The following NUDCD1 variants were observed in gnomAD, a reference collection of about 807,000 sequenced individuals.
NUDCD1 encodes the protein NudC domain containing 1.
NUDCD1 carries 60 observed loss-of-function variants against 67.8 expected under a neutral mutation model. The ratio of observed to expected loss-of-function variants is 0.88; its 90% CI spans 0.72 to 1.10. The LOEUF is 1.10. NUDCD1 is among the 50% of genes least tolerant of loss of function. The probability of loss-of-function intolerance (pLI) is 0.00; values close to 1 mark genes in which losing one functional copy is unlikely to be tolerated. For missense variants in NUDCD1, 643 were observed against 695.0 expected (o/e 0.93, Z 0.84); for synonymous variants, 244 against 230.8 (o/e 1.06, Z -0.52).
At chr8:109,296,673 G>A in intron 2 of NUDCD1, 104 bp from the exon 3 acceptor site, 1 of 774,624 alleles carries the variant, frequency 1.3e-6, no homozygotes, top group Non-Finnish European at 2.1e-6. Flanking sequence ...TTAAGAGTTG[G>A]AGTCTAATTC....
chr8:109,328,058 C>T (rs1815718566), intron 1 of NUDCD1, among the ~76,000 whole-genome samples: 1 of 152,092 alleles, frequency 6.6e-6, no homozygotes, highest in African/African-American at 2.4e-5. Context: ...ATCTTTCCAC[C>T]AGAAACATCC....
At chr8:109,299,044 C>T (rs1004082264) in intron 2 of NUDCD1, 2 of 152,296 alleles carry the variant, frequency 1.3e-5, no homozygotes, top group Non-Finnish European at 2.9e-5. Context: ...GGAACTGAGT[C>T]ACTTGAGAGA....
intron 8 of NUDCD1, among the ~76,000 whole-genome samples, chr8:109,263,054 C>CAAAAAAAAAAAAAA (rs59659347): frequency 2.4e-5 from 1 of 42,014 alleles, no homozygotes; most frequent in Non-Finnish European, 4.0e-5. Context: ...GACTCTGTCT[C>CAAAAAAAAAAAAAA]AAAAAAAAAA....
chr8:109,300,087 A>T (rs1814948765), intron 2 of NUDCD1, among the ~76,000 whole-genome samples: 1 of 152,224 alleles, frequency 6.6e-6, no homozygotes, highest in Admixed American at 6.5e-5. Context: ...CATGGGACAA[A>T]AGAATCTGAA....
intron 8 of NUDCD1, among the ~76,000 whole-genome samples, chr8:109,249,639 C>G (rs1813577369): frequency 6.6e-6 from 1 of 152,130 alleles, no homozygotes; most frequent in South Asian, 2.1e-4. Flanking sequence ...ATATATTCCT[C>G]AGTAAATGGA....
intron 2 of NUDCD1, among the ~76,000 whole-genome samples, chr8:109,321,908 T>A (rs1423267012): frequency 2.0e-5 from 3 of 152,084 alleles, no homozygotes; most frequent in African/African-American, 7.2e-5. Context: ...AAAGAATCAA[T>A]TCAGTATAAA....
At chr8:109,284,320 A>G (rs1006015624) in intron 5 of NUDCD1, among the ~76,000 whole-genome samples, 1 of 152,208 alleles carries the variant, frequency 6.6e-6, no homozygotes, top group Non-Finnish European at 1.5e-5. Flanking sequence ...GGAAAGACTT[A>G]GCCACAAGAC....
At chr8:109,297,133 G>A (rs1042182264) in intron 2 of NUDCD1, among the ~76,000 whole-genome samples, 4 of 152,096 alleles carry the variant, frequency 2.6e-5, no homozygotes, top group South Asian at 2.1e-4. Context: ...TGAAGTTGTC[G>A]TATGACAGAA....
At chr8:109,245,552 C>G (rs1347127120) in intron 8 of NUDCD1, 71 bp from the exon 9 acceptor site, 4 of 1,216,252 alleles carry the variant, frequency 3.3e-6, no homozygotes, top group Non-Finnish European at 2.3e-6. Flanking sequence ...ATGGCAGAAG[C>G]TGACAGCCAG....
intron 8 of NUDCD1, among the ~76,000 whole-genome samples, chr8:109,258,949 G>T (rs1270648707): frequency 6.6e-6 from 1 of 152,046 alleles, no homozygotes; most frequent in Non-Finnish European, 1.5e-5. Flanking sequence ...TCACAATCCC[G>T]AAAGAAACTA....
chr8:109,288,987 T>C (rs1814637927), intron 5 of NUDCD1, among the ~76,000 whole-genome samples: 1 of 151,102 alleles, frequency 6.6e-6, no homozygotes, highest in African/African-American at 2.4e-5. Flanking sequence ...GTCTTTTCTT[T>C]TTTTTTTTTT....
chr8:109,313,725 T>C (rs1029307438), intron 2 of NUDCD1: 2 of 470,092 alleles, frequency 4.3e-6, no homozygotes, highest in Non-Finnish European at 8.2e-6. Context: ...AACGTAGAGA[T>C]AAACTTGTTA....
chr8:109,256,019 T>G (rs1813729252), intron 8 of NUDCD1, among the ~76,000 whole-genome samples: 1 of 151,844 alleles, frequency 6.6e-6, no homozygotes, highest in South Asian at 2.1e-4. Context: ...GATACCTGCT[T>G]GGGCAACACA....
chr8:109,332,885 C>T (rs2130165896), intron 1 of NUDCD1, among the ~76,000 whole-genome samples: 1 of 152,350 alleles, frequency 6.6e-6, no homozygotes. Flanking sequence ...TCCAAGACGC[C>T]TTCCCAGATC....
intron 2 of NUDCD1, among the ~76,000 whole-genome samples, chr8:109,322,079 G>A (rs960962575): frequency 6.6e-6 from 1 of 152,130 alleles, no homozygotes; most frequent in African/African-American, 2.4e-5. Context: ...TAAAATCCAT[G>A]AGAGTTGCTG....
At chr8:109,300,792 T>C (rs889496185) in intron 2 of NUDCD1, among the ~76,000 whole-genome samples, 8 of 152,182 alleles carry the variant, frequency 5.3e-5, no homozygotes, top group South Asian at 2.1e-4. Context: ...CCTAGGCACA[T>C]TGTCATCAAG....
Position 109,334,078 on chromosome 8 carries a change from C to T in NUDCD1, c.-68G>A. The T allele has an allele frequency of 6.2e-7, 1 of 1,602,366 alleles. No individual in the cohort carries two copies. Among genetic ancestry groups the T allele is most frequent in the Admixed American group, 1.7e-5 (1 of 58,484 alleles). ...TGAAAGGTCCGCGCTTCACGCCTCG[C>T]ACAGAGACTGGGAAGCGGCGTGGTT... On this transcript the variant is annotated 5_prime_UTR_variant, in exon 1 of 10. Coordinates refer to ENST00000239690, the MANE Select transcript of NUDCD1 (RefSeq NM_032869.4).
At chr8:109,299,857 C>T (rs750726473) in intron 2 of NUDCD1, among the ~76,000 whole-genome samples, 1 of 152,146 alleles carries the variant, frequency 6.6e-6, no homozygotes, top group Non-Finnish European at 1.5e-5. Flanking sequence ...CATTTCACCC[C>T]GCTGACACCT....
chr8:109,282,745 T>A (rs1181746716), intron 5 of NUDCD1, among the ~76,000 whole-genome samples: 1 of 151,862 alleles, frequency 6.6e-6, no homozygotes, highest in Non-Finnish European at 1.5e-5. Flanking sequence ...GGCGGGTTGA[T>A]GAGTGCAGCA....
Sources: allele counts gnomAD v4.1 joint callset (sites outside exome capture counted in the v4.1 genomes callset), GRCh38; gene constraint gnomAD v4.1.1; transcripts MANE v1.5; gene names NCBI Gene and HGNC (gene_info 2026-07-23, HGNC 2026-07-21).